Variants in CHMP5 observed in about 807,000 individuals in gnomAD.
CHMP5 encodes the protein charged multivesicular body protein 5.
CHMP5 carries 17 observed loss-of-function variants against 33.0 expected under a neutral mutation model. The observed-to-expected ratio is 0.52, with a 90% CI of 0.35 to 0.77. CHMP5 has a LOEUF of 0.77. CHMP5 is among the 30% of genes least tolerant of loss of function. CHMP5 has a pLI of 0.01. For missense variants in CHMP5, 216 were observed against 261.5 expected (o/e 0.83, Z 1.20); for synonymous variants, 76 against 90.2 (o/e 0.84, Z 0.89).
rs11540561 is a variant in CHMP5 at position 33,266,024 on chromosome 9, A to G, written c.84A>G (p.Ala28=). The G allele has an allele frequency of 1.4e-5, 22 of 1,612,010 alleles. No homozygotes were observed. The highest frequency in any genetic ancestry group is 1.9e-5 in the Non-Finnish European group (22 of 1,178,392). The change falls in exon 2 of 8, where the codon GCA becomes GCG. Residue 28 remains alanine, a synonymous_variant. Coordinates refer to ENST00000223500, the MANE Select transcript of CHMP5 (RefSeq NM_016410.6). ...TTTCCCCTAAGGTGGACAGTAGAGC[A>G]GAATCCATTGACAAGAAGATTTCTC... The part of the protein sequence containing the change: ...TDCIGTVDSR[A]ESIDKKISRL...
chr9:33,273,851 G>A (rs2118035476), intron 5 of CHMP5, among the ~76,000 whole-genome samples: 1 of 151,994 alleles, frequency 6.6e-6, no homozygotes, highest in African/African-American at 2.4e-5. Context: ...CCGGGAAGAT[G>A]TGTCTTGATG....
At position 33,265,162 on chromosome 9, in the gene CHMP5, AT is replaced by A; in HGVS notation, c.69+16del. 1 of 1,613,590 alleles carries A rather than the reference AT, an allele frequency of 6.2e-7. No homozygotes were observed. The highest frequency in any genetic ancestry group is 8.5e-7 in the Non-Finnish European group (1 of 1,179,694). On this transcript the variant is annotated intron_variant, in intron 1 of 7. Transcript: ENST00000223500. The stretch of plus-strand genomic sequence containing the variant: ...GCATTGGCACGGTGGGCATTTGATC[AT>A]GCATAAGTAGGCTCAGGACCTCTGA...
intron 5 of CHMP5, among the ~76,000 whole-genome samples, chr9:33,272,458 A>T (rs1422587488): frequency 6.6e-6 from 1 of 151,892 alleles, no homozygotes; most frequent in Non-Finnish European, 1.5e-5. Flanking sequence ...TTAAAATACC[A>T]GGCATTTTAT....
At chr9:33,269,841 C>T (rs539952501) in intron 3 of CHMP5, among the ~76,000 whole-genome samples, 18 of 151,960 alleles carry the variant, frequency 1.2e-4, no homozygotes, top group South Asian at 1.0e-3. Flanking sequence ...AGCGTGGTGG[C>T]GCATGCCTGT....
intron 5 of CHMP5, among the ~76,000 whole-genome samples, chr9:33,273,253 T>G (rs1465791372): frequency 2.7e-5 from 4 of 150,940 alleles, no homozygotes; most frequent in African/African-American, 9.7e-5. Flanking sequence ...ATTACAGGTA[T>G]GAGCCACCAC....
chr9:33,270,977 G>A (rs1215062667), intron 4 of CHMP5, among the ~76,000 whole-genome samples, 175 bp from the exon 5 acceptor site: 1 of 152,124 alleles, frequency 6.6e-6, no homozygotes, highest in Non-Finnish European at 1.5e-5. Context: ...AGCTACCTGG[G>A]AGTCTGAGGC....
rs768625686 is a variant in CHMP5 at position 33,274,678 on chromosome 9, C to T, written c.388-1778C>T. Among the ~76,000 whole-genome samples the T allele has an allele frequency of 2.4e-4, 36 of 152,248 alleles. 1 individual carries two copies. The highest frequency in any genetic ancestry group is 6.2e-4 in the South Asian group (3 of 4,824). On this transcript the variant is annotated intron_variant, in intron 5 of 7. Coordinates refer to ENST00000223500, the MANE Select transcript of CHMP5 (RefSeq NM_016410.6). ...TCGCCCAGGCTAGAGTGCGGTGGCG[C>T]GATCTCGGCTCACTGCAACCTCTGC...
At chr9:33,269,599 G>A (rs1276182587) in intron 3 of CHMP5, among the ~76,000 whole-genome samples, 1 of 152,156 alleles carries the variant, frequency 6.6e-6, no homozygotes, top group African/African-American at 2.4e-5. Flanking sequence ...TGTATGAAGA[G>A]CCTTAAAAAT....
intron 5 of CHMP5, among the ~76,000 whole-genome samples, chr9:33,271,476 C>T (rs1053729741): frequency 4.2e-4 from 64 of 152,114 alleles, no homozygotes; most frequent in Admixed American, 7.9e-4. Context: ...GATGATGGTG[C>T]GAAAACTATA....
chr9:33,276,659 C>A, intron 6 of CHMP5, 95 bp downstream of exon 6: 1 of 701,592 alleles, frequency 1.4e-6, no homozygotes, highest in Non-Finnish European at 2.5e-6. Context: ...AAATTTCTAT[C>A]AGGATTTCCT....
chr9:33,280,718 G>T, intron 7 of CHMP5, 91 bp from the exon 8 acceptor site: 2 of 1,199,128 alleles, frequency 1.7e-6, no homozygotes, highest in Non-Finnish European at 2.4e-6. Flanking sequence ...TAAATACTTG[G>T]AAATGAGTTT....
intron 3 of CHMP5, among the ~76,000 whole-genome samples, chr9:33,270,257 A>T (rs1820777626): frequency 6.6e-6 from 1 of 152,208 alleles, no homozygotes; most frequent in South Asian, 2.1e-4. Flanking sequence ...CCTAGGAGCA[A>T]GCAGTAGGCT....
intron 1 of CHMP5, 44 bp downstream of exon 1, chr9:33,265,191 C>A: frequency 6.3e-7 from 1 of 1,587,816 alleles, no homozygotes; most frequent in Non-Finnish European, 8.6e-7. Flanking sequence ...ACCTCTGACA[C>A]ACCCGACCCC....
chr9:33,266,913 GT>G (rs1820734344), intron 2 of CHMP5, among the ~76,000 whole-genome samples: 1 of 152,270 alleles, frequency 6.6e-6, no homozygotes, highest in African/African-American at 2.4e-5. Context: ...ATAAAATACT[GT>G]GTTTAAGCAC....
chr9:33,269,842 G>A (rs1180097826), intron 3 of CHMP5, among the ~76,000 whole-genome samples: 1 of 151,646 alleles, frequency 6.6e-6, no homozygotes, highest in Non-Finnish European at 1.5e-5. Flanking sequence ...GCGTGGTGGC[G>A]CATGCCTGTG....
chr9:33,273,144 A>G (rs1226929343), intron 5 of CHMP5, among the ~76,000 whole-genome samples: 1 of 151,656 alleles, frequency 6.6e-6, no homozygotes, highest in Admixed American at 6.6e-5. Context: ...TAATTTTTGT[A>G]TTTTTTTAGT....
chr9:33,280,421 C>T (rs1820908592), intron 7 of CHMP5, among the ~76,000 whole-genome samples: 1 of 152,176 alleles, frequency 6.6e-6, no homozygotes, highest in South Asian at 2.1e-4. Flanking sequence ...GGGCACTGCT[C>T]CTTCAAGGAT....
At chr9:33,269,402 G>T (rs979017950) in intron 3 of CHMP5, among the ~76,000 whole-genome samples, 4 of 152,208 alleles carry the variant, frequency 2.6e-5, no homozygotes, top group Admixed American at 2.0e-4. Context: ...TACTTGGGAG[G>T]CTGAGGCAGG....
At chr9:33,274,050 C>T (rs1449351213) in intron 5 of CHMP5, among the ~76,000 whole-genome samples, 1 of 151,882 alleles carries the variant, frequency 6.6e-6, no homozygotes, top group African/African-American at 2.4e-5. Context: ...TTTTACTACC[C>T]TTTTCACCTT....
Sources: gnomAD v4.1 joint callset for allele counts (sites outside exome capture counted in the v4.1 genomes callset) on GRCh38, gnomAD v4.1.1 for gene constraint, MANE v1.5 for transcripts, NCBI Gene and HGNC (gene_info 2026-07-23, HGNC 2026-07-21) for gene names.